Variants in TM2D1 observed in about 807,000 individuals in gnomAD.
TM2D1 encodes the protein TM2 domain containing 1.
In TM2D1, 15 loss-of-function variants were observed where a neutral mutation model predicts 28.4. The observed-to-expected ratio is 0.53, with a 90% CI of 0.35 to 0.81. The LOEUF is 0.81. Among genes scored for constraint, TM2D1 ranks in the 40% least tolerant of loss-of-function variants. TM2D1 has a pLI of 0.01. For missense variants in TM2D1, 236 were observed against 254.9 expected, an observed-to-expected ratio of 0.93 and a Z score of 0.50; for synonymous variants, 93 against 96.2, an observed-to-expected ratio of 0.97 and a Z score of 0.20.
intron 2 of TM2D1, among the ~76,000 whole-genome samples, chr1:61,717,362 C>T (rs565905451): frequency 9.7e-4 from 145 of 149,458 alleles, no homozygotes; most frequent in African/African-American, 3.2e-3. Flanking sequence ...AGCAAGACTC[C>T]GCCTCAAAAA....
intron 3 of TM2D1, among the ~76,000 whole-genome samples, chr1:61,702,770 C>T (rs1644411637): frequency 6.6e-6 from 1 of 150,896 alleles, no homozygotes. Context: ...ATATATGTAA[C>T]ATATATAAAG....
chr1:61,714,415 C>T (rs976329666), intron 2 of TM2D1, among the ~76,000 whole-genome samples: 1 of 151,942 alleles, frequency 6.6e-6, no homozygotes, highest in Admixed American at 6.6e-5. Context: ...CTGGCCTGTG[C>T]CAGTAATCCC....
intron 3 of TM2D1, among the ~76,000 whole-genome samples, chr1:61,703,020 C>T (rs12094088): frequency 8.6e-5 from 13 of 151,284 alleles, no homozygotes; most frequent in African/African-American, 2.9e-4. Flanking sequence ...GCATGAGAAT[C>T]GCTTGAACCT....
At chr1:61,718,443 T>A (rs1456647400) in intron 2 of TM2D1, among the ~76,000 whole-genome samples, 1 of 152,258 alleles carries the variant, frequency 6.6e-6, no homozygotes, top group African/African-American at 2.4e-5. Context: ...GGAACACTTT[T>A]TCCATTTTAT....
In TM2D1 at chr1:61,725,095, G is replaced by A. The variant is rs776357184; in HGVS notation, c.26C>T (p.Pro9Leu). The A allele has an allele frequency of 2.5e-6, 4 of 1,613,614 alleles. No homozygotes were observed. Among genetic ancestry groups the A allele is most frequent in the Admixed American group, 1.7e-5 (1 of 60,008 alleles). MAAAWPSG[P>L]SAPEAVTARL... ...GGCCGTCACGGCCTCCGGAGCAGAC[G>A]GACCAGACGGCCAGGCGGCCGCCAT... Residue 9 changes from proline (P) to leucine (L), a missense_variant, in exon 1 of 7, where the codon CCG (proline) becomes CTG (leucine). Pro to Leu is a moderately conservative substitution (Grantham distance 98). Around this residue, in one of 3 missense-constraint regions of TM2D1, gnomAD observed 167 missense variants for 162.7 expected, o/e 1.03. Transcript: ENST00000606498.
chr1:61,695,240 T>C (rs1405126687), intron 4 of TM2D1, among the ~76,000 whole-genome samples: 1 of 152,050 alleles, frequency 6.6e-6, no homozygotes, highest in African/African-American at 2.4e-5. Flanking sequence ...TGTTGTAAAA[T>C]TGCAAAATTT....
intron 4 of TM2D1, 52 bp downstream of exon 4, chr1:61,700,882 T>G: frequency 7.4e-7 from 1 of 1,350,382 alleles, no homozygotes. Flanking sequence ...ACACCTACAA[T>G]GAACTAAAAT....
At chr1:61,722,946 C>A (rs1286626) in intron 2 of TM2D1, among the ~76,000 whole-genome samples, 51,787 of 151,998 alleles carry the variant, frequency 0.34, 10,534 homozygotes, top group African/African-American at 0.58. Context: ...GTATTTTTCT[C>A]GCCTAGAGGG....
chr1:61,688,425 C>A (rs1644298643), intron 5 of TM2D1, among the ~76,000 whole-genome samples: 1 of 152,142 alleles, frequency 6.6e-6, no homozygotes, highest in Non-Finnish European at 1.5e-5. Flanking sequence ...GATTTGATGT[C>A]TATAAAATGT....
At chr1:61,719,029 G>A (rs1644541748) in intron 2 of TM2D1, among the ~76,000 whole-genome samples, 1 of 152,148 alleles carries the variant, frequency 6.6e-6, no homozygotes, top group Non-Finnish European at 1.5e-5. Context: ...TGAACTGCAT[G>A]TTAAGAAAAT....
chr1:61,696,744 A>G (rs778287068), intron 4 of TM2D1, among the ~76,000 whole-genome samples: 2 of 152,020 alleles, frequency 1.3e-5, no homozygotes, highest in Non-Finnish European at 2.9e-5. Flanking sequence ...TGTCTGAAGC[A>G]GCATGCCACC....
intron 3 of TM2D1, among the ~76,000 whole-genome samples, chr1:61,706,582 GT>G (rs1644442411): frequency 6.6e-6 from 1 of 151,924 alleles, no homozygotes; most frequent in Non-Finnish European, 1.5e-5. Context: ...GCCAAAGCAG[GT>G]GGATCACCTG....
chr1:61,719,786 C>T (rs891795227), intron 2 of TM2D1, among the ~76,000 whole-genome samples: 7 of 152,182 alleles, frequency 4.6e-5, no homozygotes, highest in Admixed American at 6.6e-5. Context: ...TGAGCCACCA[C>T]GCTCAGCCTA....
At chr1:61,691,252 T>G (rs1644321559) in intron 5 of TM2D1, among the ~76,000 whole-genome samples, 1 of 151,980 alleles carries the variant, frequency 6.6e-6, no homozygotes, top group Admixed American at 6.6e-5. Flanking sequence ...TCCCAGCACT[T>G]TGGAAGGCAA....
intron 2 of TM2D1, among the ~76,000 whole-genome samples, chr1:61,711,358 CAA>C (rs1322999054): frequency 6.7e-6 from 1 of 148,298 alleles, no homozygotes; most frequent in Non-Finnish European, 1.5e-5. Context: ...AAAAAATATA[CAA>C]AGAGATGTGG....
At chr1:61,702,098 G>A (rs1644406256) in intron 3 of TM2D1, among the ~76,000 whole-genome samples, 1 of 151,972 alleles carries the variant, frequency 6.6e-6, no homozygotes, top group Non-Finnish European at 1.5e-5. Context: ...GCTGAGGCAG[G>A]AGAATCACTT....
intron 3 of TM2D1, 32 bp from the exon 4 acceptor site, chr1:61,701,057 TC>T: frequency 6.5e-7 from 1 of 1,533,186 alleles, no homozygotes; most frequent in South Asian, 1.2e-5. Context: ...GTATCATATT[TC>T]CAATGTGAAC....
intron 3 of TM2D1, among the ~76,000 whole-genome samples, chr1:61,702,872 G>A (rs1644412289): frequency 6.6e-6 from 1 of 151,636 alleles, no homozygotes; most frequent in Admixed American, 6.6e-5. Context: ...TTGGGAGGCT[G>A]AGGCGGTTGG....
At chr1:61,713,874 C>A (rs1288728353) in intron 2 of TM2D1, among the ~76,000 whole-genome samples, 4 of 149,608 alleles carry the variant, frequency 2.7e-5, no homozygotes, top group African/African-American at 9.7e-5. Flanking sequence ...CTTTTAAAAA[C>A]CAAATATTTC....
Sources: gnomAD v4.1 joint callset for allele counts (sites outside exome capture counted in the v4.1 genomes callset) on GRCh38, gnomAD v4.1.1 for gene constraint, gnomAD v4.1.1 regional missense constraint, MANE v1.5 for transcripts, NCBI Gene and HGNC (gene_info 2026-07-23, HGNC 2026-07-21) for gene names.